Variants in SEMA5A observed in about 807,000 individuals in gnomAD.
SEMA5A encodes the protein semaphorin 5A.
In SEMA5A, 55 loss-of-function variants were observed where a neutral mutation model predicts 135.5. The ratio of observed to expected loss-of-function variants is 0.41; its 90% CI spans 0.33 to 0.51. The LOEUF (loss-of-function observed/expected upper bound fraction) is 0.51, where lower values mean the gene tolerates loss of function less well. SEMA5A is among the 20% of genes least tolerant of loss of function. SEMA5A has a pLI of 0.37. For missense variants in SEMA5A, 1,290 were observed against 1,419.9 expected (o/e 0.91, Z 1.47); for synonymous variants, 580 against 546.5 (o/e 1.06, Z -0.85).
chr5:9,158,724 C>T (rs890937664), intron 11 of SEMA5A, among the ~76,000 whole-genome samples: 8 of 152,110 alleles, frequency 5.3e-5, no homozygotes, highest in Non-Finnish European at 8.8e-5. Flanking sequence ...TATAGTTTCT[C>T]TCTCAAATAG....
chr5:9,479,739 C>T (rs554039753), intron 1 of SEMA5A, among the ~76,000 whole-genome samples: 2 of 152,144 alleles, frequency 1.3e-5, no homozygotes, highest in African/African-American at 4.8e-5. Flanking sequence ...ATTTCCCCAT[C>T]AAGAATCATG....
Position 9,154,543 on chromosome 5 carries a change from G to A in SEMA5A, c.1426C>T (p.Arg476Trp), listed in dbSNP as rs369476094. 3.3e-5 allele frequency: 53 copies of A among 1,612,740 alleles called. No homozygotes were observed. Among genetic ancestry groups the A allele is most frequent in the South Asian group, 4.4e-5 (4 of 91,010 alleles). The change falls in exon 12 of 23, where the codon CGG (arginine) becomes TGG (tryptophan). Residue 476 changes from arginine to tryptophan, a missense_variant. Coordinates refer to ENST00000382496, the MANE Select transcript of SEMA5A (RefSeq NM_003966.3). ...AGGGGGATCTTGACCACGTGCTCCC[G>A]CAGGCCCACGAACAGGACACTCTGG... is the stretch of plus-strand genomic sequence containing the variant. The part of the protein sequence containing the change: ...HSQSVLFVGL[R>W]EHVVKIPLKR...
intron 8 of SEMA5A, among the ~76,000 whole-genome samples, chr5:9,223,543 G>A (rs914307100): frequency 6.6e-6 from 1 of 152,158 alleles, no homozygotes; most frequent in Non-Finnish European, 1.5e-5. Flanking sequence ...ACTATGCCAA[G>A]GACAAGACCC....
At chr5:9,137,714 A>C (rs1346592997) in intron 12 of SEMA5A, among the ~76,000 whole-genome samples, 1 of 152,222 alleles carries the variant, frequency 6.6e-6, no homozygotes, top group Non-Finnish European at 1.5e-5. Flanking sequence ...ATCTGGTAGG[A>C]CCAGAAGTCA....
chr5:9,335,637 T>C (rs1384259406), intron 4 of SEMA5A, among the ~76,000 whole-genome samples: 1 of 152,116 alleles, frequency 6.6e-6, no homozygotes, highest in Non-Finnish European at 1.5e-5. Context: ...CGGTAAGGGG[T>C]CTGTTCCCTT....
chr5:9,480,956 G>C (rs921190582), intron 1 of SEMA5A, among the ~76,000 whole-genome samples: 1 of 151,882 alleles, frequency 6.6e-6, no homozygotes, highest in African/African-American at 2.4e-5. Flanking sequence ...TGGTTTTTTG[G>C]TTTTTTTGAG....
intron 16 of SEMA5A, among the ~76,000 whole-genome samples, chr5:9,071,170 T>C (rs1327676694): frequency 6.6e-6 from 1 of 152,196 alleles, no homozygotes; most frequent in Non-Finnish European, 1.5e-5. Flanking sequence ...ACGTATTATG[T>C]ATTCCAGTCA....
chr5:9,202,636 G>T (rs757407873), intron 8 of SEMA5A, among the ~76,000 whole-genome samples: 1 of 152,178 alleles, frequency 6.6e-6, no homozygotes, highest in Non-Finnish European at 1.5e-5. Flanking sequence ...ATGAAATGTG[G>T]TTCAGAATAT....
intron 2 of SEMA5A, among the ~76,000 whole-genome samples, chr5:9,435,886 A>G (rs549687909): frequency 6.6e-6 from 1 of 152,258 alleles, no homozygotes; most frequent in African/African-American, 2.4e-5. Context: ...TGTTTGAAAA[A>G]CTGATTTCTT....
intron 10 of SEMA5A, among the ~76,000 whole-genome samples, chr5:9,193,068 C>T (rs1745202433): frequency 6.6e-6 from 1 of 151,832 alleles, no homozygotes. Context: ...GCCAGAATTG[C>T]CAAGAATTGG....
At chr5:9,402,654 G>A (rs935087385) in intron 2 of SEMA5A, among the ~76,000 whole-genome samples, 2 of 152,274 alleles carry the variant, frequency 1.3e-5, no homozygotes, top group Middle Eastern at 3.4e-3. Context: ...TTGAATGTTA[G>A]TGAGGTGAAA....
chr5:9,462,237 T>C (rs1209671760), intron 1 of SEMA5A, among the ~76,000 whole-genome samples: 1 of 152,144 alleles, frequency 6.6e-6, no homozygotes, highest in Non-Finnish European at 1.5e-5. Flanking sequence ...TCAACATCAC[T>C]GATCGTTGAA....
chr5:9,135,662 A>G (rs111406938), intron 13 of SEMA5A, among the ~76,000 whole-genome samples: 7 of 152,312 alleles, frequency 4.6e-5, no homozygotes, highest in African/African-American at 1.7e-4. Context: ...TTGCAGAGAT[A>G]CAGCAGAACT....
At chr5:9,124,310 T>C (rs556705161) in intron 13 of SEMA5A, among the ~76,000 whole-genome samples, 2 of 152,286 alleles carry the variant, frequency 1.3e-5, no homozygotes, top group South Asian at 2.1e-4. Flanking sequence ...TTGCCAAATC[T>C]GATAAGCAAA....
At chr5:9,193,344 C>T (rs1745216262) in intron 10 of SEMA5A, among the ~76,000 whole-genome samples, 1 of 152,196 alleles carries the variant, frequency 6.6e-6, no homozygotes, top group Admixed American at 6.5e-5. Context: ...AAAGCACAGC[C>T]ATTGCTCTCA....
At position 9,198,991 on chromosome 5, in the gene SEMA5A, T is replaced by C. The variant is rs573789435; in HGVS notation, c.933-1688A>G. ...GAACCTACAGATCCTGAGAAGACCC[T>C]GACTTACAGGTAAGAAAACAGTAGC... On this transcript the variant is annotated intron_variant, in intron 9 of 22. Coordinates refer to ENST00000382496, the MANE Select transcript of SEMA5A (RefSeq NM_003966.3). Among the ~76,000 whole-genome samples the C allele has an allele frequency of 3.9e-5, 6 of 152,260 alleles. 1 individual carries two copies. The highest frequency in any genetic ancestry group is 1.4e-4 in the African/African-American group (6 of 41,542).
chr5:9,353,058 A>G (rs929222104), intron 3 of SEMA5A, among the ~76,000 whole-genome samples: 92 of 82,350 alleles, frequency 1.1e-3, no homozygotes, highest in African/African-American at 3.3e-3. Flanking sequence ...AGGAAAGGAA[A>G]GGAAGGAAAG....
At chr5:9,127,769 C>T (rs2150198036) in intron 13 of SEMA5A, among the ~76,000 whole-genome samples, 1 of 152,298 alleles carries the variant, frequency 6.6e-6, no homozygotes, top group East Asian at 1.9e-4. Context: ...TTCCAAGCCC[C>T]TTTGGTCTCC....
At chr5:9,308,685 C>G (rs1002632136) in intron 5 of SEMA5A, among the ~76,000 whole-genome samples, 1 of 152,078 alleles carries the variant, frequency 6.6e-6, no homozygotes, top group Non-Finnish European at 1.5e-5. Context: ...CAAATGAGTA[C>G]AATAAAGCAG....
Sources: allele counts gnomAD v4.1 joint callset (sites outside exome capture counted in the v4.1 genomes callset), GRCh38; gene constraint gnomAD v4.1.1; transcripts MANE v1.5; gene names NCBI Gene and HGNC (gene_info 2026-07-23, HGNC 2026-07-21).